The following TTC29 variants were observed in gnomAD, a reference collection of about 807,000 sequenced individuals.
The protein encoded by TTC29 is tetratricopeptide repeat domain 29, also known as tetratricopeptide repeat protein 29.
A neutral mutation model predicts 58.1 loss-of-function variants in TTC29; 49 were observed. The observed-to-expected ratio is 0.84, with a 90% CI of 0.67 to 1.07. The LOEUF (loss-of-function observed/expected upper bound fraction) is 1.07. Ranked by LOEUF, TTC29 falls within the 50% of genes least tolerant of loss-of-function variation. TTC29 has a pLI of 0.00. For missense variants in TTC29, 582 were observed against 555.6 expected (o/e 1.05, Z -0.48); for synonymous variants, 209 against 196.8 (o/e 1.06, Z -0.52).
rs974225710 is a variant in TTC29, at chr4:146,749,127, T to G, written c.1331-41576A>C. Among the ~76,000 whole-genome samples the G allele has an allele frequency of 3.3e-5, 5 of 149,444 alleles. No homozygotes were observed. The Admixed American group carries it at 3.4e-4, about 10-fold the overall frequency. On this transcript the variant is annotated intron_variant, in intron 11 of 12. Transcript: ENST00000325106. ...TTAGCCAGAAATTCAAGACCAGTAC[T>G]GACAACATAGTGAGACCCCATTTCT...
intron 4 of TTC29, among the ~76,000 whole-genome samples, chr4:146,933,510 G>T (rs1425221834): frequency 6.6e-6 from 1 of 152,128 alleles, no homozygotes; most frequent in East Asian, 1.9e-4. Context: ...ATATTATACA[G>T]AATTAAAAAT....
At chr4:146,887,668 T>C (rs1732079636) in intron 6 of TTC29, among the ~76,000 whole-genome samples, 1 of 152,136 alleles carries the variant, frequency 6.6e-6, no homozygotes, top group Non-Finnish European at 1.5e-5. Flanking sequence ...GAATTGAACA[T>C]AAATTCTCAA....
At chr4:146,914,928 T>C (rs142007211) in intron 4 of TTC29, among the ~76,000 whole-genome samples, 2,796 of 152,272 alleles carry the variant, frequency 0.018, 41 homozygotes, top group Middle Eastern at 0.048. Context: ...GAGAATTTAC[T>C]GCTAAACAGC....
intron 6 of TTC29, among the ~76,000 whole-genome samples, chr4:146,886,494 T>C (rs1731991660): frequency 6.6e-6 from 1 of 152,156 alleles, no homozygotes. Context: ...GAGGGAGTTA[T>C]GTGCTGGACC....
intron 4 of TTC29, among the ~76,000 whole-genome samples, chr4:146,926,972 C>A (rs928679598): frequency 6.6e-6 from 1 of 151,194 alleles, no homozygotes; most frequent in Non-Finnish European, 1.5e-5. Context: ...TGGTGCACAC[C>A]TGTAATTCCA....
rs547583524 is a variant in TTC29, at chr4:146,821,757, T to G, written c.978-1509A>C. Among the ~76,000 whole-genome samples the G allele has an allele frequency of 5.9e-5, 9 of 152,252 alleles. No homozygotes were observed. In the East Asian group the frequency reaches 1.3e-3, roughly 23 times the overall value. On this transcript the variant is annotated intron_variant, in intron 9 of 12. Transcript: ENST00000325106. The stretch of plus-strand genomic sequence containing the variant: ...GTCTATGATTGTAAACTCCTGACCC[T>G]TGGATATTCCAGTAACATCAAGAAA...
intron 6 of TTC29, among the ~76,000 whole-genome samples, chr4:146,892,038 C>G (rs1206948093): frequency 6.6e-6 from 1 of 151,918 alleles, no homozygotes; most frequent in East Asian, 1.9e-4. Flanking sequence ...GATCTGTGTC[C>G]CCTCCCAAAT....
intron 11 of TTC29, among the ~76,000 whole-genome samples, chr4:146,761,279 A>G (rs1746876852): frequency 6.6e-6 from 1 of 151,930 alleles, no homozygotes; most frequent in African/African-American, 2.4e-5. Flanking sequence ...TCACAAATAT[A>G]ATCTTAGGTG....
intron 4 of TTC29, among the ~76,000 whole-genome samples, chr4:146,926,440 C>G (rs78256611): frequency 0.075 from 11,386 of 152,050 alleles, 1,450 homozygotes; most frequent in African/African-American, 0.26. Flanking sequence ...TAGTTATAAT[C>G]TGACAGCTGT....
intron 11 of TTC29, among the ~76,000 whole-genome samples, chr4:146,720,787 C>A (rs557927098): frequency 8.3e-4 from 126 of 152,204 alleles, no homozygotes; most frequent in Admixed American, 2.0e-3. Context: ...CACTACTCCA[C>A]TCTCAGAATG....
intron 11 of TTC29, among the ~76,000 whole-genome samples, chr4:146,747,244 C>T (rs2150042749): frequency 6.6e-6 from 1 of 152,238 alleles, no homozygotes; most frequent in East Asian, 1.9e-4. Flanking sequence ...TGCTGTGTCC[C>T]CCACCTGGGT....
At chr4:146,917,608 T>TATATACATTATATATTATTTA (rs1734314889) in intron 4 of TTC29, among the ~76,000 whole-genome samples, 2 of 103,886 alleles carry the variant, frequency 1.9e-5, no homozygotes, top group Non-Finnish European at 4.6e-5. Flanking sequence ...TATATATTAT[T>TATATACATTATATATTATTTA]TATAATATAT....
At chr4:146,760,417 C>T (rs1285755615) in intron 11 of TTC29, among the ~76,000 whole-genome samples, 2 of 151,790 alleles carry the variant, frequency 1.3e-5, no homozygotes, top group Non-Finnish European at 2.9e-5. Flanking sequence ...CATCATTCTT[C>T]ACAAAATTAG....
chr4:146,806,548 T>C (rs1170290839), intron 10 of TTC29, among the ~76,000 whole-genome samples: 2 of 151,324 alleles, frequency 1.3e-5, no homozygotes, highest in East Asian at 3.9e-4. Context: ...ATTTACCAGG[T>C]AAATGAAAAG....
intron 10 of TTC29, among the ~76,000 whole-genome samples, chr4:146,804,350 C>T (rs2150120411): frequency 6.6e-6 from 1 of 152,104 alleles, no homozygotes; most frequent in African/African-American, 2.4e-5. Context: ...TTTTTTTTCA[C>T]ACTCCAGTGT....
At chr4:146,917,638 T>C (rs969285924) in intron 4 of TTC29, among the ~76,000 whole-genome samples, 5 of 145,072 alleles carry the variant, frequency 3.4e-5, no homozygotes, top group Non-Finnish European at 6.1e-5. Context: ...TTATATAAAT[T>C]ATATATTATA....
At chr4:146,790,333 C>T (rs552379703) in intron 11 of TTC29, among the ~76,000 whole-genome samples, 8 of 152,042 alleles carry the variant, frequency 5.3e-5, no homozygotes, top group South Asian at 2.1e-4. Context: ...GGACTACAGG[C>T]GCCCGCCACC....
intron 11 of TTC29, among the ~76,000 whole-genome samples, chr4:146,743,153 T>TA (rs1374237268): frequency 2.6e-5 from 4 of 152,074 alleles, no homozygotes; most frequent in Admixed American, 6.6e-5. Flanking sequence ...GGTGACACAC[T>TA]TTTTTTAAAA....
At chr4:146,880,989 A>T (rs527455738) in intron 6 of TTC29, among the ~76,000 whole-genome samples, 1 of 152,300 alleles carries the variant, frequency 6.6e-6, no homozygotes, top group Admixed American at 6.5e-5. Context: ...TGCTCCACTT[A>T]AGAAAACAGC....
Sources: gnomAD v4.1 joint callset for allele counts (sites outside exome capture counted in the v4.1 genomes callset) on GRCh38, gnomAD v4.1.1 for gene constraint, MANE v1.5 for transcripts, NCBI Gene and HGNC (gene_info 2026-07-23, HGNC 2026-07-21) for gene names.